Variants in DPYD observed in about 807,000 individuals in gnomAD.
DPYD encodes dihydropyrimidine dehydrogenase [NADP(+)].
In DPYD, 109 loss-of-function variants were observed where a neutral mutation model predicts 116.2. That is an observed-to-expected ratio of 0.94 (90% CI 0.80 to 1.10). The LOEUF (loss-of-function observed/expected upper bound fraction) is 1.10. Ranked by LOEUF, DPYD falls within the 50% of genes least tolerant of loss-of-function variation. DPYD has a pLI of 0.00. For synonymous variants in DPYD, 440 were observed against 432.0 expected, an observed-to-expected ratio of 1.02 and a Z score of -0.23; for missense variants, 1,302 against 1,254.5, an observed-to-expected ratio of 1.04 and a Z score of -0.57.
intron 3 of DPYD, among the ~76,000 whole-genome samples, chr1:97,792,993 G>A (rs560612263): frequency 6.6e-6 from 1 of 152,214 alleles, no homozygotes; most frequent in East Asian, 1.9e-4. Context: ...GAGGAAATAC[G>A]AATAAAGTAT....
chr1:97,229,587 T>TATATAAATAA (rs1434809487), intron 19 of DPYD, among the ~76,000 whole-genome samples: 2 of 64,680 alleles, frequency 3.1e-5, no homozygotes, highest in African/African-American at 1.2e-4. Flanking sequence ...TATATATATA[T>TATATAAATAA]ATACTGATTT....
Position 97,088,031 on chromosome 1 carries a change from G to A in DPYD, c.2767-5561C>T, listed in dbSNP as rs1476749346. 3.3e-5 allele frequency among the ~76,000 whole-genome samples: 5 copies of A among 152,172 alleles called. No individual in the cohort carries two copies. In the East Asian group the frequency reaches 7.7e-4, roughly 23 times the overall value. ...ACCCTTTTATTTCATCATTGGTAAT[G>A]TGATCTGTCTTTTCTCATATAAGCA... is the stretch of plus-strand genomic sequence containing the variant. On this transcript the variant is annotated intron_variant, in intron 21 of 22. Coordinates refer to ENST00000370192, the MANE Select transcript of DPYD (RefSeq NM_000110.4).
Position 97,504,730 on chromosome 1 carries a change from A to G in DPYD, c.1740+10996T>C, listed in dbSNP as rs142001424. On this transcript the variant is annotated intron_variant, in intron 13 of 22. Transcript: ENST00000370192. ...AAAATACTCTTCAAGAGGTAATAAT[A>G]TTTATCAATTTAAAATTCATTATAT... Among the ~76,000 whole-genome samples, 892 of 152,154 alleles carry G rather than the reference A, an allele frequency of 5.9e-3. 29 individuals are homozygous for G. The South Asian group carries it at 0.062, about 11-fold the overall frequency.
chr1:97,868,439 A>G (rs1386599200), intron 2 of DPYD, among the ~76,000 whole-genome samples: 3 of 151,834 alleles, frequency 2.0e-5, no homozygotes, highest in Admixed American at 2.0e-4. Flanking sequence ...TCAAAGCTAA[A>G]TGATTAATCA....
chr1:97,586,901 G>A (rs1654165351), intron 10 of DPYD, among the ~76,000 whole-genome samples: 1 of 152,054 alleles, frequency 6.6e-6, no homozygotes, highest in Non-Finnish European at 1.5e-5. Context: ...GTATAGAGCT[G>A]TCACTCTGTG....
At chr1:97,899,118 C>A (rs1431999741) in intron 1 of DPYD, among the ~76,000 whole-genome samples, 3 of 151,182 alleles carry the variant, frequency 2.0e-5, no homozygotes, top group African/African-American at 7.3e-5. Context: ...TTTTTAATGC[C>A]AAAGGCCTTG....
intron 3 of DPYD, among the ~76,000 whole-genome samples, chr1:97,785,682 T>G (rs906873394): frequency 1.1e-4 from 7 of 64,410 alleles, no homozygotes; most frequent in Non-Finnish European, 2.1e-4. Context: ...CCACTGACTC[T>G]TTTTTTTTTT....
intron 14 of DPYD, among the ~76,000 whole-genome samples, chr1:97,428,479 G>T (rs61788022): frequency 0.13 from 19,522 of 152,002 alleles, 1,526 homozygotes; most frequent in Non-Finnish European, 0.18. Flanking sequence ...GATACTATAG[G>T]ACAAATTAGT....
chr1:97,555,054 AT>A (rs1651592686), intron 11 of DPYD, among the ~76,000 whole-genome samples: 1 of 152,150 alleles, frequency 6.6e-6, no homozygotes, highest in African/African-American at 2.4e-5. Context: ...CCACCAAATT[AT>A]TCCTTGAATG....
intron 18 of DPYD, among the ~76,000 whole-genome samples, chr1:97,270,380 A>G (rs540193580): frequency 6.6e-6 from 1 of 152,304 alleles, no homozygotes; most frequent in East Asian, 1.9e-4. Context: ...CCAAGTGCTG[A>G]TATTTCTCAT....
chr1:97,424,843 C>A (rs1674778372), intron 14 of DPYD, among the ~76,000 whole-genome samples: 1 of 151,978 alleles, frequency 6.6e-6, no homozygotes, highest in Non-Finnish European at 1.5e-5. Context: ...TAAACCCAAG[C>A]AATTAAAAGT....
In DPYD at chr1:97,173,341, T is replaced by C. The variant is rs560418731; in HGVS notation, c.2622+19728A>G. Among the ~76,000 whole-genome samples, 4 of 150,484 alleles carry C rather than the reference T, an allele frequency of 2.7e-5. No homozygotes were observed. In the East Asian group the frequency reaches 5.9e-4, roughly 22 times the overall value. On this transcript the variant is annotated intron_variant, in intron 20 of 22. Coordinates refer to ENST00000370192, the MANE Select transcript of DPYD (RefSeq NM_000110.4). Reference sequence around the variant, plus strand: ...ACATATATACACATATATGTGTATATATGCACACATATATGTACATATATA... The same window carrying C: ...ACATATATACACATATATGTGTATACATGCACACATATATGTACATATATA...
At chr1:97,652,362 C>A (rs573661278) in intron 8 of DPYD, among the ~76,000 whole-genome samples, 1 of 152,196 alleles carries the variant, frequency 6.6e-6, no homozygotes, top group South Asian at 2.1e-4. Flanking sequence ...CTAGAAATGG[C>A]CACGCAATTG....
At chr1:97,296,862 G>T in intron 18 of DPYD, among the ~76,000 whole-genome samples, 1 of 152,082 alleles carries the variant, frequency 6.6e-6, no homozygotes, top group South Asian at 2.1e-4. Flanking sequence ...GCATGTTTAT[G>T]AATTTTTAAA....
At chr1:97,328,757 C>T (rs1272439022) in intron 16 of DPYD, among the ~76,000 whole-genome samples, 1 of 152,196 alleles carries the variant, frequency 6.6e-6, no homozygotes, top group African/African-American at 2.4e-5. Flanking sequence ...TATAGGTTTA[C>T]TTTTACAAAG....
intron 14 of DPYD, among the ~76,000 whole-genome samples, chr1:97,415,242 G>C (rs1674227594): frequency 6.6e-6 from 1 of 152,146 alleles, no homozygotes; most frequent in Admixed American, 6.5e-5. Flanking sequence ...CTTAATTTAA[G>C]CAACTGTTGT....
At chr1:97,634,647 C>T (rs922300805) in intron 8 of DPYD, among the ~76,000 whole-genome samples, 1 of 151,732 alleles carries the variant, frequency 6.6e-6, no homozygotes, top group African/African-American at 2.4e-5. Context: ...GTGGAAGATA[C>T]AAAATATAAC....
intron 13 of DPYD, among the ~76,000 whole-genome samples, chr1:97,509,398 T>C (rs899862403): frequency 1.8e-4 from 27 of 151,936 alleles, no homozygotes; most frequent in African/African-American, 6.0e-4. Context: ...AAATATGGTA[T>C]GAAAATTGTT....
chr1:97,616,342 A>T (rs1180564417), intron 8 of DPYD, among the ~76,000 whole-genome samples: 1 of 152,168 alleles, frequency 6.6e-6, no homozygotes, highest in Non-Finnish European at 1.5e-5. Flanking sequence ...ATAAGTGAGT[A>T]AATCATCCCT....
Sources: gnomAD v4.1 joint callset for allele counts (sites outside exome capture counted in the v4.1 genomes callset) on GRCh38, gnomAD v4.1.1 for gene constraint, MANE v1.5 for transcripts, NCBI Gene and HGNC (gene_info 2026-07-23, HGNC 2026-07-21) for gene names.